DIP2A: variants seen among roughly 807,000 people sequenced by gnomAD.
DIP2A encodes the protein DIP2 acetate--CoA ligase A.
In DIP2A, 85 loss-of-function variants were observed where a neutral mutation model predicts 177.4. The ratio of observed to expected loss-of-function variants is 0.48; its 90% CI spans 0.40 to 0.57. DIP2A has a LOEUF of 0.57. DIP2A is among the 20% of genes least tolerant of loss of function. The pLI, the probability that DIP2A is intolerant of heterozygous loss-of-function variation, is 0.00. For synonymous variants in DIP2A, 886 were observed against 881.8 expected (o/e 1.00, Z -0.08); for missense variants, 1,791 against 2,100.2 (o/e 0.85, Z 2.88).
the DIP2A span, among the ~76,000 whole-genome samples, chr21:46,578,981 TAGGG>T: frequency 6.6e-6 from 1 of 152,202 alleles, no homozygotes; most frequent in Admixed American, 6.5e-5. Flanking sequence ...TAAAATGAGT[TAGGG>T]AGGATTCCCT....
In DIP2A at chr21:46,498,727, C is replaced by G; in HGVS notation, c.549C>G (p.Thr183=). 1.2e-6 allele frequency: 2 copies of G among 1,613,908 alleles called. No homozygotes were observed. The highest frequency in any genetic ancestry group is 1.1e-5 in the South Asian group (1 of 91,074). Residue 183 remains threonine (T), a synonymous_variant, in exon 5 of 38, where the codon ACC becomes ACG. Coordinates refer to ENST00000417564, the MANE Select transcript of DIP2A (RefSeq NM_015151.4). The surrounding 1 kb of genome is among the most constrained non-coding windows in gnomAD (Gnocchi z 4.3). ...GSSTSSSASS[T]SSHPGGRPTT... ...CCACCTCATCCTCTGCATCCTCCAC[C>G]TCATCTCACCCGGGAGGGAGACCCA...
the DIP2A span, among the ~76,000 whole-genome samples, chr21:46,579,230 CT>C: frequency 1.3e-5 from 2 of 152,158 alleles, no homozygotes; most frequent in Non-Finnish European, 2.9e-5. Flanking sequence ...TCTACATTTT[CT>C]AGTTCATGTG....
chr21:46,488,208 C>T (rs1021816793), intron 2 of DIP2A, among the ~76,000 whole-genome samples: 1 of 152,276 alleles, frequency 6.6e-6, no homozygotes, highest in East Asian at 1.9e-4. Flanking sequence ...CAGGCAAGAA[C>T]CCTCTTCCTC....
At chr21:46,506,245 G>A (rs2148589670) in intron 6 of DIP2A, among the ~76,000 whole-genome samples, 1 of 152,226 alleles carries the variant, frequency 6.6e-6, no homozygotes, top group South Asian at 2.1e-4. Context: ...ACCCTCCCAA[G>A]TAGCTGGGAT....
intron 32 of DIP2A, among the ~76,000 whole-genome samples, chr21:46,559,412 C>T (rs571693584): frequency 6.6e-6 from 1 of 152,370 alleles, no homozygotes; most frequent in South Asian, 2.1e-4. Flanking sequence ...CCTTGTGCCT[C>T]CCCATCACAG....
At chr21:46,559,118 A>AC (rs1316571839) in intron 32 of DIP2A, 1 of 151,802 alleles carries the variant, frequency 6.6e-6, no homozygotes, top group African/African-American at 2.4e-5. Flanking sequence ...AAAAAAAAAA[A>AC]AAAAAACATA....
At chr21:46,495,566 CCTCT>C (rs558108272) in intron 3 of DIP2A, among the ~76,000 whole-genome samples, 1 of 151,146 alleles carries the variant, frequency 6.6e-6, no homozygotes, top group African/African-American at 2.4e-5. Flanking sequence ...CTGTGCCCAT[CCTCT>C]CTCTCTCTTT....
intron 1 of DIP2A, among the ~76,000 whole-genome samples, chr21:46,461,567 T>C (rs1400291335): frequency 6.6e-6 from 1 of 152,212 alleles, no homozygotes; most frequent in East Asian, 1.9e-4. Flanking sequence ...AATTGAATCC[T>C]TTCCTCAAAG....
Position 46,556,186 on chromosome 21 carries a change from T to C in DIP2A, c.3498+95T>C. The C allele has an allele frequency of 7.1e-7, 1 of 1,409,022 alleles. No individual in the cohort carries two copies. The highest frequency in any genetic ancestry group is 1.7e-5 in the Admixed American group (1 of 57,284). The allele number at this position is 1,409,022 out of a possible 1,614,324, so 87.3% of individuals were successfully genotyped here. A position where few individuals can be genotyped will look rare whatever the true frequency, so the allele number is the denominator to read the frequency against. The stretch of plus-strand genomic sequence containing the variant: ...ATGCAGATTTAAACTGACAGGTCCT[T>C]CTTATGCAAAGCACAAAGCAACAAT... On this transcript the variant is annotated intron_variant, in intron 29 of 37. Transcript: ENST00000417564. The surrounding 1 kb of genome is among the most constrained non-coding windows in gnomAD (Gnocchi z 4.5).
At chr21:46,578,719 G>A in the DIP2A span, among the ~76,000 whole-genome samples, 1 of 152,126 alleles carries the variant, frequency 6.6e-6, no homozygotes, top group Non-Finnish European at 1.5e-5. Context: ...ATAATCATGT[G>A]GTTTTCATCT....
intron 8 of DIP2A, among the ~76,000 whole-genome samples, chr21:46,520,824 A>G (rs578100765): frequency 4.6e-5 from 7 of 152,364 alleles, no homozygotes; most frequent in African/African-American, 1.4e-4. Context: ...AAAGCCACGC[A>G]TCATTTCATA....
rs1294890527 is a variant in DIP2A, at chr21:46,537,615, A to G, written c.1801+76A>G. 7.0e-7 allele frequency: 1 copy of G among 1,423,140 alleles called. No individual in the cohort carries two copies. The highest frequency in any genetic ancestry group is 1.4e-5 in the African/African-American group (1 of 70,120). The allele number at this position is 1,423,140 out of a possible 1,614,324, so 88.2% of individuals were successfully genotyped here. On this transcript the variant is annotated intron_variant, in intron 15 of 37. Transcript: ENST00000417564. This position sits in a 1 kb window ranked among gnomAD's most constrained non-coding sequence, Gnocchi z 4.1. ...TGAACTGACCTTTGGTGCTTAAGAA[A>G]AAATAAAGCTGACATGTGGAACTGC...
intron 3 of DIP2A, among the ~76,000 whole-genome samples, chr21:46,495,281 T>TCTCTCTCTCTCTCTCTCTC (rs1555883154): frequency 6.8e-6 from 1 of 147,612 alleles, no homozygotes; most frequent in Admixed American, 6.8e-5. Flanking sequence ...TCTCTCTCTG[T>TCTCTCTCTCTCTCTCTCTC]TTTTGAGATG....
chr21:46,504,541 T>C (rs948231431), intron 6 of DIP2A, 52 bp downstream of exon 6: 16 of 1,547,406 alleles, frequency 1.0e-5, no homozygotes, highest in Middle Eastern at 2.3e-4. Flanking sequence ...AGGTTTTGTC[T>C]TTGGGTATTG....
At chr21:46,508,593 C>T (rs1009978417) in intron 6 of DIP2A, among the ~76,000 whole-genome samples, 1 of 149,908 alleles carries the variant, frequency 6.7e-6, no homozygotes, top group Non-Finnish European at 1.5e-5. Flanking sequence ...CTCCTGACCT[C>T]GTGATCCACC....
At chr21:46,535,568 G>C (rs1425461161) in intron 13 of DIP2A, among the ~76,000 whole-genome samples, 3 of 152,060 alleles carry the variant, frequency 2.0e-5, no homozygotes, top group African/African-American at 7.3e-5. Context: ...AAAAAAGGGA[G>C]AAATTTTAAA....
chr21:46,574,615 A>G (rs528544169), downstream of DIP2A, among the ~76,000 whole-genome samples: 48 of 152,284 alleles, frequency 3.2e-4, no homozygotes, highest in Non-Finnish European at 6.6e-4. Context: ...AATCAGAAAT[A>G]AAATTGGAAA....
In DIP2A at chr21:46,563,894, G is replaced by A. The variant is rs760818289; in HGVS notation, c.4126G>A (p.Glu1376Lys). 10 of 1,613,452 alleles carry A rather than the reference G, an allele frequency of 6.2e-6. No individual in the cohort carries two copies. Among genetic ancestry groups the A allele is most frequent in the East Asian group, 2.2e-5 (1 of 44,882 alleles). ...PGVKVIIAHTETKGPLGDSHL... is the reference protein window; with the variant it reads ...PGVKVIIAHTKTKGPLGDSHL... ...CGTGAAGGTCATCATCGCACACACC[G>A]AGACCAAAGGACCCTTGGGAGACTC... Residue 1376 changes from glutamate (E) to lysine (K), a missense_variant, in exon 35 of 38, where the codon GAG (glutamate) becomes AAG (lysine). By Grantham distance (56) the Glu-to-Lys change is moderately conservative. Coordinates refer to ENST00000417564, the MANE Select transcript of DIP2A (RefSeq NM_015151.4). The surrounding 1 kb of genome is among the most constrained non-coding windows in gnomAD (Gnocchi z 4.3).
intron 5 of DIP2A, among the ~76,000 whole-genome samples, chr21:46,501,160 T>C (rs1190200808): frequency 6.6e-6 from 1 of 152,238 alleles, no homozygotes; most frequent in African/African-American, 2.4e-5. Context: ...GTCTTCAATT[T>C]AAACTAAGGA....
Sources: allele counts gnomAD v4.1 joint callset (sites outside exome capture counted in the v4.1 genomes callset), GRCh38; gene constraint gnomAD v4.1.1; non-coding constraint Gnocchi (gnomAD v3.1); transcripts MANE v1.5; gene names NCBI Gene and HGNC (gene_info 2026-07-23, HGNC 2026-07-21).